EYS: variants seen among roughly 807,000 people sequenced by gnomAD.
EYS encodes protein eyes shut homolog.
EYS carries 250 observed loss-of-function variants against 282.1 expected under a neutral mutation model. That is an observed-to-expected ratio of 0.89 (90% CI 0.80 to 0.98). EYS has a LOEUF of 0.98. Ranked by LOEUF, EYS falls within the 50% of genes least tolerant of loss-of-function variation. The pLI, the probability that EYS is intolerant of heterozygous loss-of-function variation, is 0.00. For synonymous variants in EYS, 1,355 were observed against 1,282.9 expected, an observed-to-expected ratio of 1.06 and a Z score of -1.20; for missense variants, 4,016 against 3,709.0, an observed-to-expected ratio of 1.08 and a Z score of -2.15.
chr6:64,365,004 A>G (rs993876522), intron 29 of EYS, among the ~76,000 whole-genome samples: 4 of 152,076 alleles, frequency 2.6e-5, no homozygotes, highest in African/African-American at 7.2e-5. Flanking sequence ...GTATCATTCA[A>G]TTTACTTGTG....
intron 31 of EYS, among the ~76,000 whole-genome samples, chr6:64,151,339 A>ATT (rs1562226681): frequency 1.4e-4 from 16 of 118,508 alleles, no homozygotes; most frequent in African/African-American, 5.9e-4. Context: ...ATATATATAT[A>ATT]TATATATATA....
chr6:65,570,002 T>C (rs1444565514), intron 2 of EYS, among the ~76,000 whole-genome samples: 5 of 152,094 alleles, frequency 3.3e-5, no homozygotes, highest in Non-Finnish European at 7.3e-5. Flanking sequence ...GGAGTTGGAA[T>C]GAGGGAAAGA....
At chr6:65,622,243 A>T (rs530404027) in intron 2 of EYS, among the ~76,000 whole-genome samples, 3 of 143,984 alleles carry the variant, frequency 2.1e-5, no homozygotes, top group South Asian at 4.6e-4. Flanking sequence ...GGAGATGAGA[A>T]ATTTGAACTT....
At chr6:65,666,601 A>G (rs1768210907) in intron 1 of EYS, among the ~76,000 whole-genome samples, 1 of 151,754 alleles carries the variant, frequency 6.6e-6, no homozygotes, top group Non-Finnish European at 1.5e-5. Context: ...AATATTCTTA[A>G]TAGTACACAC....
chr6:64,272,837 T>A lies in EYS; in HGVS notation c.6191+34133A>T, dbSNP rs181060390. On this transcript the variant is annotated intron_variant, in intron 30 of 42. Transcript: ENST00000503581. ...CAATAAGGTTTTATAATCTTACACA[T>A]GTTGTATTTTTATACTCATTTATAG... 2.2e-3 allele frequency among the ~76,000 whole-genome samples: 340 copies of A among 152,264 alleles called. 1 individual carries two copies. Among genetic ancestry groups the A allele is most frequent in the Admixed American group, 3.6e-3 (55 of 15,302 alleles).
chr6:65,137,964 G>A (rs1305333850), intron 12 of EYS, among the ~76,000 whole-genome samples: 4 of 151,956 alleles, frequency 2.6e-5, no homozygotes, highest in South Asian at 4.1e-4. Flanking sequence ...GCAGAAAAGA[G>A]ACTGCTAGAG....
chr6:64,286,628 T>C (rs1462679390), intron 30 of EYS, among the ~76,000 whole-genome samples: 2 of 152,128 alleles, frequency 1.3e-5, no homozygotes, highest in African/African-American at 4.8e-5. Flanking sequence ...AATTGGAAAA[T>C]AGAAACTTAA....
intron 33 of EYS, among the ~76,000 whole-genome samples, chr6:64,060,593 A>C (rs1285486806): frequency 3.3e-5 from 5 of 152,168 alleles, no homozygotes; most frequent in Non-Finnish European, 1.5e-5. Flanking sequence ...CATTACAATA[A>C]ATTTCTTTCT....
At chr6:64,117,133 T>C (rs1773411650) in intron 31 of EYS, among the ~76,000 whole-genome samples, 1 of 152,018 alleles carries the variant, frequency 6.6e-6, no homozygotes, top group Admixed American at 6.6e-5. Context: ...CTCAAGCACA[T>C]GCAGAACATT....
At chr6:64,989,017 G>T (rs1770959849) in intron 14 of EYS, among the ~76,000 whole-genome samples, 1 of 151,040 alleles carries the variant, frequency 6.6e-6, no homozygotes, top group Non-Finnish European at 1.5e-5. Flanking sequence ...ATAAAACATG[G>T]TATATATCTA....
intron 29 of EYS, among the ~76,000 whole-genome samples, chr6:64,370,787 T>C (rs1017477344): frequency 1.3e-5 from 2 of 151,982 alleles, no homozygotes; most frequent in Non-Finnish European, 2.9e-5. Context: ...ATTTCTACTA[T>C]GTTGTCTAGC....
At chr6:63,747,522 ATCTG>A (rs1769239675) in intron 41 of EYS, among the ~76,000 whole-genome samples, 1 of 152,096 alleles carries the variant, frequency 6.6e-6, no homozygotes, top group African/African-American at 2.4e-5. Context: ...TGTCTTGTTG[ATCTG>A]TCTAATATTG....
At chr6:64,609,785 G>A (rs997272534) in intron 24 of EYS, among the ~76,000 whole-genome samples, 4 of 152,014 alleles carry the variant, frequency 2.6e-5, no homozygotes, top group South Asian at 4.1e-4. Context: ...TACTTGGTAG[G>A]TTGAGGCAGG....
intron 28 of EYS, among the ~76,000 whole-genome samples, chr6:64,405,705 T>C (rs1224082224): frequency 6.6e-6 from 1 of 151,966 alleles, no homozygotes; most frequent in Non-Finnish European, 1.5e-5. Context: ...GAGAGCCAAA[T>C]CATGGGTGAA....
chr6:65,581,304 A>T (rs1562270626), intron 2 of EYS, among the ~76,000 whole-genome samples: 1 of 152,110 alleles, frequency 6.6e-6, no homozygotes, highest in African/African-American at 2.4e-5. Flanking sequence ...AGTGATATGG[A>T]GGAGAGACAT....
intron 22 of EYS, among the ~76,000 whole-genome samples, chr6:64,630,736 T>C (rs1767751594): frequency 6.6e-6 from 1 of 152,190 alleles, no homozygotes; most frequent in African/African-American, 2.4e-5. Flanking sequence ...AATGTTAAAC[T>C]TTTACTCTTT....
intron 22 of EYS, among the ~76,000 whole-genome samples, chr6:64,694,804 A>G (rs1354440921): frequency 6.6e-6 from 1 of 152,048 alleles, no homozygotes; most frequent in Non-Finnish European, 1.5e-5. Context: ...TGAGAACTGC[A>G]GTTTTGACTC....
At chr6:63,782,668 T>A (rs1390227559) in intron 39 of EYS, among the ~76,000 whole-genome samples, 1 of 152,180 alleles carries the variant, frequency 6.6e-6, no homozygotes, top group Non-Finnish European at 1.5e-5. Flanking sequence ...TTGCTAGCAG[T>A]CTATCCATTT....
At chr6:64,478,933 T>G (rs896899219) in intron 26 of EYS, among the ~76,000 whole-genome samples, 6 of 151,914 alleles carry the variant, frequency 3.9e-5, no homozygotes, top group African/African-American at 1.4e-4. Context: ...ATATACAGTT[T>G]ATCCTCTTTA....
Sources: gnomAD v4.1 joint callset for allele counts (sites outside exome capture counted in the v4.1 genomes callset) on GRCh38, gnomAD v4.1.1 for gene constraint, MANE v1.5 for transcripts, NCBI Gene and HGNC (gene_info 2026-07-23, HGNC 2026-07-21) for gene names.